Variants in PRKCB observed in about 807,000 individuals in gnomAD.
PRKCB encodes the protein protein kinase C beta type.
A neutral mutation model predicts 81.5 loss-of-function variants in PRKCB; 13 were observed. The ratio of observed to expected loss-of-function variants is 0.16; its 90% CI spans 0.10 to 0.25. The LOEUF (loss-of-function observed/expected upper bound fraction) is 0.25. Among genes scored for constraint, PRKCB ranks in the 10% least tolerant of loss-of-function variants. The pLI is 1.00. For synonymous variants in PRKCB, 335 were observed against 321.4 expected (o/e 1.04, Z -0.45); for missense variants, 509 against 875.7 (o/e 0.58, Z 5.29).
At chr16:23,928,243 A>G (rs1221464869) in intron 2 of PRKCB, among the ~76,000 whole-genome samples, 1 of 151,948 alleles carries the variant, frequency 6.6e-6, no homozygotes, top group Non-Finnish European at 1.5e-5. Flanking sequence ...CTCCTGCCTC[A>G]GCCTACTGAG....
intron 2 of PRKCB, among the ~76,000 whole-genome samples, chr16:23,925,463 C>T (rs1209494900): frequency 6.6e-6 from 1 of 151,998 alleles, no homozygotes; most frequent in Admixed American, 6.6e-5. Context: ...TTAAGGTTGG[C>T]CGTTTCCAAG....
At chr16:24,028,244 A>C (rs1965507798) in intron 3 of PRKCB, among the ~76,000 whole-genome samples, 1 of 152,070 alleles carries the variant, frequency 6.6e-6, no homozygotes, top group South Asian at 2.1e-4. Context: ...GCATGCCACT[A>C]TGCCCAGCTA....
At chr16:23,983,282 T>A (rs1055313454) in intron 2 of PRKCB, among the ~76,000 whole-genome samples, 2 of 152,200 alleles carry the variant, frequency 1.3e-5, no homozygotes, top group African/African-American at 4.8e-5. Flanking sequence ...GCACAACTTT[T>A]CAGAAACACA....
chr16:23,839,543 G>T (rs1230458142), intron 2 of PRKCB, among the ~76,000 whole-genome samples: 1 of 152,160 alleles, frequency 6.6e-6, no homozygotes, highest in Non-Finnish European at 1.5e-5. Context: ...CAAGTGTTGG[G>T]ATTATAGGTG....
chr16:23,865,487 A>C (rs1394780939), intron 2 of PRKCB, among the ~76,000 whole-genome samples: 1 of 7,692 alleles, frequency 1.3e-4, no homozygotes, highest in African/African-American at 6.7e-4. Context: ...ATATATATAT[A>C]TATATATATA....
At chr16:24,083,930 A>G (rs762742080) in intron 5 of PRKCB, among the ~76,000 whole-genome samples, 2 of 152,212 alleles carry the variant, frequency 1.3e-5, no homozygotes, top group Non-Finnish European at 2.9e-5. Context: ...GAGAGAAAAG[A>G]AGGCAATAGT....
chr16:23,879,737 G>A (rs1359131130), intron 2 of PRKCB, among the ~76,000 whole-genome samples: 2 of 151,956 alleles, frequency 1.3e-5, no homozygotes, highest in Non-Finnish European at 2.9e-5. Context: ...CAAGTGATCC[G>A]CCCGCCTCGA....
chr16:24,158,618 G>T (rs893051386), intron 10 of PRKCB, among the ~76,000 whole-genome samples: 8 of 150,290 alleles, frequency 5.3e-5, no homozygotes, highest in African/African-American at 1.7e-4. Context: ...GTGTGTGTGT[G>T]TATGTGTATG....
chr16:24,122,632 T>C (rs2141927323), intron 8 of PRKCB, among the ~76,000 whole-genome samples: 1 of 152,170 alleles, frequency 6.6e-6, no homozygotes, highest in Non-Finnish European at 1.5e-5. Context: ...GCTAACTTTC[T>C]TTATTTTTGT....
chr16:24,067,912 A>AGCCTGGGTGACAGAGTGG (rs2141882202), intron 5 of PRKCB, among the ~76,000 whole-genome samples: 1 of 148,252 alleles, frequency 6.7e-6, no homozygotes, highest in Non-Finnish European at 1.5e-5. Flanking sequence ...GGTTACAGTG[A>AGCCTGGGTGACAGAGTGG]GCCTGGGTGA....
chr16:23,873,035 A>T (rs910231396), intron 2 of PRKCB, among the ~76,000 whole-genome samples: 12 of 150,746 alleles, frequency 8.0e-5, no homozygotes, highest in East Asian at 5.8e-4. Flanking sequence ...ATAAAAAATA[A>T]AAAAAAAATT....
intron 2 of PRKCB, among the ~76,000 whole-genome samples, chr16:23,885,920 G>A (rs1035186491): frequency 3.9e-5 from 6 of 152,130 alleles, no homozygotes; most frequent in Admixed American, 1.3e-4. Flanking sequence ...GATATTGGGC[G>A]GCAGGAGGTT....
At chr16:24,006,298 C>T (rs758073219) in intron 3 of PRKCB, among the ~76,000 whole-genome samples, 1 of 152,196 alleles carries the variant, frequency 6.6e-6, no homozygotes, top group Non-Finnish European at 1.5e-5. Flanking sequence ...ATCAAATGTC[C>T]AAAGAGCTCT....
chr16:24,043,647 C>T (rs1351238636), intron 5 of PRKCB, among the ~76,000 whole-genome samples: 1 of 152,106 alleles, frequency 6.6e-6, no homozygotes, highest in Non-Finnish European at 1.5e-5. Context: ...TGTAGGGAAG[C>T]TGACGTCTTG....
rs1012172600 is a variant in PRKCB at position 24,122,843 on chromosome 16, T to G, written c.919-992T>G. Among the ~76,000 whole-genome samples, 4 of 152,206 alleles carry G rather than the reference T, an allele frequency of 2.6e-5. No individual in the cohort carries two copies. The East Asian group carries it at 7.7e-4, about 29-fold the overall frequency. On this transcript the variant is annotated intron_variant, in intron 8 of 16. Coordinates refer to ENST00000643927, the MANE Select transcript of PRKCB (RefSeq NM_002738.7). ...GTCCTGGCAGCTGCAGGTCTCCCAC[T>G]CATGGCTTCCAGTTTTTGCCTCATT... is the stretch of plus-strand genomic sequence containing the variant.
intron 5 of PRKCB, among the ~76,000 whole-genome samples, chr16:24,057,457 CTCAT>C (rs112377315): frequency 6.6e-6 from 1 of 152,136 alleles, no homozygotes; most frequent in Admixed American, 6.5e-5. Flanking sequence ...CCTTTCATAC[CTCAT>C]TCATTCATTC....
intron 2 of PRKCB, among the ~76,000 whole-genome samples, chr16:23,957,519 G>C (rs1964365941): frequency 6.6e-6 from 1 of 152,188 alleles, no homozygotes; most frequent in South Asian, 2.1e-4. Flanking sequence ...AGGAGCTTCA[G>C]CCTCAGCCAC....
chr16:24,024,923 G>A (rs539455659), intron 3 of PRKCB, among the ~76,000 whole-genome samples: 23 of 152,106 alleles, frequency 1.5e-4, no homozygotes, highest in African/African-American at 5.5e-4. Flanking sequence ...GCTCTTTCAG[G>A]TAGCAGGAAG....
chr16:24,133,433 C>G (rs996000590), intron 9 of PRKCB, among the ~76,000 whole-genome samples: 3 of 152,206 alleles, frequency 2.0e-5, no homozygotes, highest in African/African-American at 7.2e-5. Context: ...ATGGCTTTCA[C>G]TCCTCCAGCC....
Sources: gnomAD v4.1 joint callset for allele counts (sites outside exome capture counted in the v4.1 genomes callset) on GRCh38, gnomAD v4.1.1 for gene constraint, MANE v1.5 for transcripts, NCBI Gene and HGNC (gene_info 2026-07-23, HGNC 2026-07-21) for gene names.